The following PPFIA2 variants were observed in gnomAD, a reference collection of about 807,000 sequenced individuals.
The protein encoded by PPFIA2 is liprin-alpha-2.
A neutral mutation model predicts 175.5 loss-of-function variants in PPFIA2; 46 were observed. That is an observed-to-expected ratio of 0.26 (90% CI 0.21 to 0.34). The LOEUF (loss-of-function observed/expected upper bound fraction) is 0.34. Among genes scored for constraint, PPFIA2 ranks in the 10% least tolerant of loss-of-function variants. The pLI, the probability that PPFIA2 is intolerant of heterozygous loss-of-function variation, is 1.00. For synonymous variants in PPFIA2, 568 were observed against 511.4 expected, an observed-to-expected ratio of 1.11 and a Z score of -1.49; for missense variants, 1,179 against 1,506.1, an observed-to-expected ratio of 0.78 and a Z score of 3.60.
At chr12:81,263,209 C>T in intron 31 of PPFIA2, 22 bp downstream of exon 31, 1 of 1,571,998 alleles carries the variant, frequency 6.4e-7, no homozygotes, top group South Asian at 1.2e-5. Context: ...GCTTGATAAG[C>T]AGCAATGCAA....
intron 4 of PPFIA2, among the ~76,000 whole-genome samples, chr12:81,617,387 C>T (rs1328789079): frequency 6.6e-6 from 1 of 152,192 alleles, no homozygotes; most frequent in Non-Finnish European, 1.5e-5. Context: ...GTCTGTAGAT[C>T]TTTTGTATCC....
intron 4 of PPFIA2, among the ~76,000 whole-genome samples, chr12:81,564,924 A>C (rs2153400778): frequency 6.6e-6 from 1 of 152,292 alleles, no homozygotes; most frequent in African/African-American, 2.4e-5. Flanking sequence ...TTATCATACA[A>C]GTGGCTGACC....
rs1385573646 is a variant in PPFIA2, at chr12:81,263,341, G to A, written c.3605C>T (p.Pro1202Leu). Residue 1202 changes from proline (P) to leucine (L), a missense_variant, in exon 31 of 33, where the codon CCT (proline) becomes CTT (leucine). Physicochemically the swap from Pro to Leu is moderately conservative, Grantham distance 98. Around this residue, in one of 10 missense-constraint regions of PPFIA2, gnomAD observed 245 missense variants for 375.1 expected, o/e 0.65. Coordinates refer to ENST00000549396, the MANE Select transcript of PPFIA2 (RefSeq NM_003625.5). ...GCTGATTCCATGTACTTCACGAGGA[G>A]GAAACTGCCTTCTCCAGGTTGATCC... ...RRGSTWRRQF[P>L]PREVHGISMM... 1.9e-6 allele frequency: 3 copies of A among 1,612,994 alleles called. No individual in the cohort carries two copies. The highest frequency in any genetic ancestry group is 3.3e-5 in the Admixed American group (2 of 59,980).
intron 9 of PPFIA2, among the ~76,000 whole-genome samples, chr12:81,377,194 C>T (rs1046067351): frequency 7.2e-5 from 11 of 151,994 alleles, no homozygotes; most frequent in Admixed American, 2.0e-4. Context: ...CATATTTATA[C>T]GTGCCATTAT....
chr12:81,293,386 AAAAC>A (rs2045574676), intron 24 of PPFIA2, among the ~76,000 whole-genome samples: 1 of 152,098 alleles, frequency 6.6e-6, no homozygotes, highest in Non-Finnish European at 1.5e-5. Flanking sequence ...TTATAACTGA[AAAAC>A]AAACAGACTT....
chr12:81,714,544 T>C (rs749169858), intron 3 of PPFIA2, among the ~76,000 whole-genome samples: 1 of 150,980 alleles, frequency 6.6e-6, no homozygotes, highest in Non-Finnish European at 1.5e-5. Flanking sequence ...GGTTGCCACG[T>C]TGTGAATTAT....
intron 3 of PPFIA2, among the ~76,000 whole-genome samples, chr12:81,734,624 C>G (rs867138847): frequency 2.0e-5 from 3 of 151,734 alleles, no homozygotes; most frequent in Non-Finnish European, 2.9e-5. Flanking sequence ...TTCAGTCAAG[C>G]TTGTGAAAAC....
At chr12:81,682,533 TA>T (rs934012064) in intron 3 of PPFIA2, among the ~76,000 whole-genome samples, 69 of 151,920 alleles carry the variant, frequency 4.5e-4, no homozygotes, top group Admixed American at 1.8e-3. Context: ...AAGCAGTCTA[TA>T]AAAAAAGTCA....
chr12:81,318,202 C>G (rs1036922032), intron 22 of PPFIA2, among the ~76,000 whole-genome samples: 1 of 151,690 alleles, frequency 6.6e-6, no homozygotes, highest in Admixed American at 6.6e-5. Flanking sequence ...TTTGTGTCAT[C>G]TCACTAGTAT....
Position 81,696,668 on chromosome 12 carries a change from T to C in PPFIA2, c.250-19824A>G, listed in dbSNP as rs2075930330. Among the ~76,000 whole-genome samples, 3 of 152,144 alleles carry C rather than the reference T, an allele frequency of 2.0e-5. No homozygotes were observed. In the South Asian group the frequency reaches 6.2e-4, roughly 31 times the overall value. On this transcript the variant is annotated intron_variant, in intron 3 of 32. Transcript: ENST00000549396. ...AATGGCCTCAGCGAAACTTTTTCTT[T>C]ATTAAACATACTGCTATGTTTTCAG...
chr12:81,294,702 A>AGCTTAATCTCTT, intron 24 of PPFIA2, 133 bp downstream of exon 24: 2 of 834,516 alleles, frequency 2.4e-6, no homozygotes, highest in Non-Finnish European at 3.8e-6. Context: ...AGGTTAATAA[A>AGCTTAATCTCTT]GAGCAAGCTT....
intron 22 of PPFIA2, among the ~76,000 whole-genome samples, chr12:81,301,369 A>C (rs1393717528): frequency 6.6e-6 from 1 of 152,196 alleles, no homozygotes; most frequent in African/African-American, 2.4e-5. Flanking sequence ...TTTTTGCTTC[A>C]CATAGTAAAA....
chr12:81,557,505 G>GAGA (rs1183891759), intron 4 of PPFIA2, among the ~76,000 whole-genome samples: 2 of 151,902 alleles, frequency 1.3e-5, no homozygotes, highest in East Asian at 3.9e-4. Context: ...GACCAAAGTG[G>GAGA]AGAAGTATCT....
At chr12:81,530,762 A>AC (rs1023824911) in intron 4 of PPFIA2, among the ~76,000 whole-genome samples, 1 of 129,338 alleles carries the variant, frequency 7.7e-6, no homozygotes, top group Admixed American at 7.6e-5. Flanking sequence ...GAAAAAAAAA[A>AC]ACACATTATA....
At chr12:81,516,302 A>G (rs542308636) in intron 4 of PPFIA2, among the ~76,000 whole-genome samples, 12 of 152,104 alleles carry the variant, frequency 7.9e-5, no homozygotes, top group Non-Finnish European at 1.8e-4. Flanking sequence ...GTAATATATA[A>G]TGTTCCTGTC....
intron 4 of PPFIA2, among the ~76,000 whole-genome samples, chr12:81,660,087 A>C (rs2068537470): frequency 6.6e-6 from 1 of 152,072 alleles, no homozygotes; most frequent in African/African-American, 2.4e-5. Flanking sequence ...TAAAACCACA[A>C]AGATGGGGAA....
intron 4 of PPFIA2, among the ~76,000 whole-genome samples, chr12:81,563,915 T>C (rs967347736): frequency 6.6e-6 from 1 of 152,168 alleles, no homozygotes; most frequent in Non-Finnish European, 1.5e-5. Context: ...AATAGAGATA[T>C]TTGCCATTGC....
intron 11 of PPFIA2, 149 bp from the exon 12 acceptor site, chr12:81,369,343 C>G (rs1433066871): frequency 6.7e-7 from 1 of 1,491,574 alleles, no homozygotes; most frequent in Non-Finnish European, 8.9e-7. Context: ...GGCAGCTGAA[C>G]AGCATTGCTT....
At chr12:81,695,330 G>A (rs2075774313) in intron 3 of PPFIA2, among the ~76,000 whole-genome samples, 1 of 152,134 alleles carries the variant, frequency 6.6e-6, no homozygotes, top group African/African-American at 2.4e-5. Context: ...CTGGATCATA[G>A]GAGCATATCC....
Sources: gnomAD v4.1 joint callset for allele counts (sites outside exome capture counted in the v4.1 genomes callset) on GRCh38, gnomAD v4.1.1 for gene constraint, gnomAD v4.1.1 regional missense constraint, MANE v1.5 for transcripts, NCBI Gene and HGNC (gene_info 2026-07-23, HGNC 2026-07-21) for gene names.